The following SHC3 variants were observed in gnomAD, a reference collection of about 807,000 sequenced individuals.
The protein encoded by SHC3 is SHC adaptor protein 3.
A neutral mutation model predicts 60.4 loss-of-function variants in SHC3; 15 were observed. The ratio of observed to expected loss-of-function variants is 0.25; its 90% confidence interval spans 0.17 to 0.38. The LOEUF is 0.38. SHC3 is among the 10% of genes least tolerant of loss of function. SHC3 has a pLI of 1.00. For synonymous variants in SHC3, 294 were observed against 325.9 expected, an observed-to-expected ratio of 0.90 and a Z score of 1.05; for missense variants, 677 against 786.1, an observed-to-expected ratio of 0.86 and a Z score of 1.66.
At chr9:89,071,121 C>A in intron 5 of SHC3, 78 bp downstream of exon 5, 9 of 1,376,476 alleles carry the variant, frequency 6.5e-6, no homozygotes, top group Non-Finnish European at 9.3e-6. Flanking sequence ...CAGTGTCTTG[C>A]AAGGCATATT....
chr9:89,171,858 T>C (rs1482786013), intron 1 of SHC3, among the ~76,000 whole-genome samples: 2 of 152,216 alleles, frequency 1.3e-5, no homozygotes, highest in Non-Finnish European at 2.9e-5. Flanking sequence ...GGCAGTGGTA[T>C]CTGCCAGACC....
intron 7 of SHC3, among the ~76,000 whole-genome samples, chr9:89,048,088 A>T (rs1824801877): frequency 6.6e-6 from 1 of 152,114 alleles, no homozygotes; most frequent in South Asian, 2.1e-4. Flanking sequence ...TACTAAAAAT[A>T]CAAAAATTAG....
intron 2 of SHC3, among the ~76,000 whole-genome samples, chr9:89,100,167 T>A (rs934959538): frequency 2.6e-5 from 4 of 152,194 alleles, no homozygotes; most frequent in African/African-American, 9.7e-5. Flanking sequence ...AAGGTAACAC[T>A]TAGAACTGAT....
At position 89,037,993 on chromosome 9, in the gene SHC3, C is replaced by A. The variant is rs370776639; in HGVS notation, c.1656G>T (p.Thr552=). 2.8e-5 allele frequency: 45 copies of A among 1,606,158 alleles called. No homozygotes were observed. The highest frequency in any genetic ancestry group is 3.7e-5 in the Non-Finnish European group (44 of 1,179,616). ...KHLLLVDPEG[T]IRTKDRVFDS... ...GGCCCCACCCCCACTGGGTGCTCAC[C>A]GTGCCTTCTGGGTCCACGAGCAGCA... Residue 552 remains threonine (T), a splice_region_variant and synonymous_variant, in exon 11 of 12, where the codon ACG becomes ACT. Coordinates refer to ENST00000375835, the MANE Select transcript of SHC3 (RefSeq NM_016848.6).
At chr9:89,167,094 C>T in intron 1 of SHC3, among the ~76,000 whole-genome samples, 1 of 151,952 alleles carries the variant, frequency 6.6e-6, no homozygotes, top group Non-Finnish European at 1.5e-5. Flanking sequence ...TTGGCCAGCA[C>T]ACCCCTGCCC....
intron 1 of SHC3, among the ~76,000 whole-genome samples, chr9:89,168,458 C>G (rs1376239899): frequency 6.6e-6 from 1 of 151,558 alleles, no homozygotes; most frequent in Non-Finnish European, 1.5e-5. Context: ...GAGCAAAACT[C>G]TGTCTCAAAA....
chr9:89,085,527 G>C (rs1439579267), intron 2 of SHC3, among the ~76,000 whole-genome samples: 1 of 152,222 alleles, frequency 6.6e-6, no homozygotes, highest in African/African-American at 2.4e-5. Context: ...GGATTCTGCA[G>C]GTAGATAGAC....
At chr9:89,026,046 C>G (rs1358449000) in intron 11 of SHC3, among the ~76,000 whole-genome samples, 2 of 152,126 alleles carry the variant, frequency 1.3e-5, no homozygotes, top group African/African-American at 2.4e-5. Context: ...GAGTTCGAGA[C>G]CAGCCTGGCC....
At chr9:89,123,360 G>A (rs1826118712) in intron 1 of SHC3, among the ~76,000 whole-genome samples, 1 of 152,194 alleles carries the variant, frequency 6.6e-6, no homozygotes, top group South Asian at 2.1e-4. Context: ...ATCAACAGAT[G>A]TCTGGTGACT....
At chr9:89,028,973 ATATATAGATATAGATATC>A (rs1269901558) in intron 11 of SHC3, among the ~76,000 whole-genome samples, 3 of 149,370 alleles carry the variant, frequency 2.0e-5, no homozygotes, top group Admixed American at 6.7e-5. Context: ...GGCAGAATAT[ATATATAGATATAGATATC>A]TATATAGATA....
intron 11 of SHC3, among the ~76,000 whole-genome samples, chr9:89,019,067 A>G (rs1014151047): frequency 3.3e-5 from 5 of 151,836 alleles, no homozygotes; most frequent in African/African-American, 1.2e-4. Flanking sequence ...TCAGAGAAAA[A>G]AAAAAAAAAA....
intron 1 of SHC3, among the ~76,000 whole-genome samples, chr9:89,169,428 C>T (rs1826837230): frequency 6.6e-6 from 1 of 152,206 alleles, no homozygotes; most frequent in South Asian, 2.1e-4. Context: ...ATGGTGTGCT[C>T]TCCAAGCACT....
intron 1 of SHC3, among the ~76,000 whole-genome samples, chr9:89,117,184 C>T (rs1000886734): frequency 6.6e-6 from 1 of 152,186 alleles, no homozygotes; most frequent in East Asian, 1.9e-4. Flanking sequence ...GCAACACCAC[C>T]TTTGCAGTGA....
chr9:89,116,996 A>G (rs1826028405), intron 1 of SHC3, among the ~76,000 whole-genome samples: 1 of 152,208 alleles, frequency 6.6e-6, no homozygotes, highest in Non-Finnish European at 1.5e-5. Context: ...CTCCTCTGTC[A>G]TAGGGTTATG....
chr9:89,161,230 C>A (rs777022611), intron 1 of SHC3, among the ~76,000 whole-genome samples: 2 of 152,178 alleles, frequency 1.3e-5, no homozygotes, highest in Non-Finnish European at 2.9e-5. Flanking sequence ...AGCACCACCC[C>A]CTTCATGCAT....
At chr9:89,081,344 A>G (rs1825441230) in intron 2 of SHC3, among the ~76,000 whole-genome samples, 1 of 152,206 alleles carries the variant, frequency 6.6e-6, no homozygotes, top group Non-Finnish European at 1.5e-5. Context: ...TTTAATGGTA[A>G]CCAGAATGCA....
chr9:89,172,713 C>A (rs1826887657), intron 1 of SHC3, among the ~76,000 whole-genome samples: 1 of 152,182 alleles, frequency 6.6e-6, no homozygotes, highest in Non-Finnish European at 1.5e-5. Context: ...TGATAAATTG[C>A]AAAATTGTTT....
chr9:89,065,278 G>T (rs1298752229), intron 6 of SHC3, among the ~76,000 whole-genome samples: 3 of 152,170 alleles, frequency 2.0e-5, no homozygotes, highest in Non-Finnish European at 4.4e-5. Context: ...GGCAGGGGCT[G>T]TTTGTGTGTA....
intron 6 of SHC3, among the ~76,000 whole-genome samples, chr9:89,052,533 C>T (rs1824878465): frequency 6.6e-6 from 1 of 152,168 alleles, no homozygotes; most frequent in African/African-American, 2.4e-5. Context: ...AGCCTGATCT[C>T]GACATGAACT....
Sources: gnomAD v4.1 joint callset for allele counts (sites outside exome capture counted in the v4.1 genomes callset) on GRCh38, gnomAD v4.1.1 for gene constraint, MANE v1.5 for transcripts, NCBI Gene and HGNC (gene_info 2026-07-23, HGNC 2026-07-21) for gene names.